C6: variants seen among roughly 807,000 people sequenced by gnomAD.
The protein encoded by C6 is complement C6, also known as complement component C6.
In C6, 101 loss-of-function variants were observed where a neutral mutation model predicts 112.9. The ratio of observed to expected loss-of-function variants is 0.89; its 90% CI spans 0.76 to 1.06. C6 has a LOEUF of 1.06. C6 is among the 50% of genes least tolerant of loss of function. The probability of loss-of-function intolerance (pLI) is 0.00; values close to 1 mark genes in which losing one functional copy is unlikely to be tolerated. For missense variants in C6, 1,202 were observed against 1,104.6 expected, an observed-to-expected ratio of 1.09 and a Z score of -1.25; for synonymous variants, 431 against 384.1, an observed-to-expected ratio of 1.12 and a Z score of -1.43.
intron 7 of C6, among the ~76,000 whole-genome samples, chr5:41,181,085 G>A (rs1749293994): frequency 1.3e-5 from 2 of 151,674 alleles, no homozygotes; most frequent in South Asian, 4.2e-4. Context: ...GTTGTATGGA[G>A]TTTATAAGAA....
In C6 at chr5:41,149,412, A is replaced by C; in HGVS notation, c.2452T>G (p.Phe818Val). 6.2e-7 allele frequency: 1 copy of C among 1,614,104 alleles called. No homozygotes were observed. The highest frequency in any genetic ancestry group is 8.5e-7 in the Non-Finnish European group (1 of 1,179,990). The change falls in exon 17 of 18, where the codon TTT becomes GTT. Residue 818 changes from phenylalanine (F) to valine (V), a missense_variant. By Grantham distance (50) the Phe-to-Val change is conservative (BLOSUM62 -1). Transcript: ENST00000337836. The stretch of plus-strand genomic sequence containing the variant: ...TTATTTAAACATTTCTCAGCCAAAA[A>C]CTTACAAGCGGGTGAAGTAAAGTAA... ...NDYFTSPACK[F>V]LAEKCLNNQQ...
At chr5:41,161,971 G>T in intron 9 of C6, 112 bp from the exon 10 acceptor site, 1 of 998,106 alleles carries the variant, frequency 1.0e-6, no homozygotes, top group Admixed American at 2.0e-5. Flanking sequence ...GGTACAGTAT[G>T]TAGCTCCATT....
chr5:41,239,592 T>C (rs1248811711), intron 1 of C6, among the ~76,000 whole-genome samples: 2 of 152,158 alleles, frequency 1.3e-5, no homozygotes, highest in Middle Eastern at 3.4e-3. Context: ...ATACCCATTT[T>C]CCCCATCCCC....
intron 9 of C6, 39 bp from the exon 10 acceptor site, chr5:41,161,898 G>A: frequency 3.1e-6 from 5 of 1,599,510 alleles, no homozygotes; most frequent in Non-Finnish European, 4.3e-6. Flanking sequence ...TTTAATTTTA[G>A]TGCAAATTCC....
intron 1 of C6, among the ~76,000 whole-genome samples, chr5:41,230,463 G>A (rs1022660906): frequency 9.9e-5 from 15 of 152,082 alleles, no homozygotes; most frequent in African/African-American, 3.6e-4. Context: ...GACTGAAAAA[G>A]CCCTGGTCTC....
At chr5:41,240,674 C>T (rs2150425014) in intron 1 of C6, among the ~76,000 whole-genome samples, 1 of 152,244 alleles carries the variant, frequency 6.6e-6, no homozygotes, top group South Asian at 2.1e-4. Context: ...TGAGGCAATC[C>T]TCAGGCTTTC....
rs953868091 is a variant in C6 at position 41,159,454 on chromosome 5, T to C, written c.1685-201A>G. ...GATTTCCTTTTAGACTTTGTTCCCA[T>C]AAGCCTAAATAAAATGGCAACAAAT... On this transcript the variant is annotated intron_variant, in intron 11 of 17. Transcript: ENST00000337836. 6.8e-5 allele frequency: 67 copies of C among 985,074 alleles called. No individual in the cohort carries two copies. The African/African-American group carries it at 1.1e-3, about 16-fold the overall frequency. The allele number at this position is 985,074 out of a possible 1,614,324, so 61.0% of individuals were successfully genotyped here. A position where few individuals can be genotyped will look rare whatever the true frequency, so the allele number is the denominator to read the frequency against.
At chr5:41,256,572 T>G (rs1187728348) in intron 1 of C6, among the ~76,000 whole-genome samples, 2 of 151,890 alleles carry the variant, frequency 1.3e-5, no homozygotes, top group African/African-American at 4.8e-5. Flanking sequence ...CTGAGAGAAT[T>G]TTGTGGTTTG....
chr5:41,186,399 C>T, intron 5 of C6, 191 bp from the exon 6 acceptor site: 1 of 608,856 alleles, frequency 1.6e-6, no homozygotes, highest in African/African-American at 1.9e-5. Context: ...AAAGCCCAAA[C>T]TCAGCTTCTC....
At chr5:41,158,134 T>C (rs917811946) in intron 13 of C6, among the ~76,000 whole-genome samples, 45 of 152,164 alleles carry the variant, frequency 3.0e-4, no homozygotes, top group African/African-American at 1.0e-3. Flanking sequence ...TCAAAGGGCA[T>C]AGATCTGTCT....
intron 1 of C6, among the ~76,000 whole-genome samples, chr5:41,208,819 T>C (rs1014654334): frequency 1.3e-5 from 2 of 152,112 alleles, no homozygotes; most frequent in Admixed American, 6.6e-5. Flanking sequence ...CCATTCCTTC[T>C]GAAACTATTC....
intron 17 of C6, among the ~76,000 whole-genome samples, chr5:41,148,445 T>A (rs1225529899): frequency 6.6e-6 from 1 of 152,228 alleles, no homozygotes; most frequent in Non-Finnish European, 1.5e-5. Context: ...CCAATTTTTT[T>A]ATGGGGTGCT....
chr5:41,175,074 G>T (rs568769508), intron 8 of C6, among the ~76,000 whole-genome samples: 7 of 152,316 alleles, frequency 4.6e-5, no homozygotes, highest in African/African-American at 1.4e-4. Context: ...GGGGAGTGCA[G>T]CTACTCATAT....
chr5:41,143,537 T>C (rs1273725146), intron 17 of C6, among the ~76,000 whole-genome samples: 5 of 152,248 alleles, frequency 3.3e-5, no homozygotes, highest in Non-Finnish European at 7.3e-5. Flanking sequence ...AGCCACACAA[T>C]ATGCCAAGCA....
At chr5:41,154,093 G>T in intron 14 of C6, 95 bp from the exon 15 acceptor site, 1 of 1,001,164 alleles carries the variant, frequency 1.0e-6, no homozygotes, top group South Asian at 1.3e-5. Flanking sequence ...ATTTTGATGA[G>T]ATTTACTGCA....
At chr5:41,234,352 T>TTG (rs1162448899) in intron 1 of C6, among the ~76,000 whole-genome samples, 115 of 139,860 alleles carry the variant, frequency 8.2e-4, no homozygotes, top group African/African-American at 3.5e-3. Context: ...TTTTTTTTGT[T>TTG]TTTTGTTTTT....
At chr5:41,214,307 A>G (rs1752112138), upstream of C6, among the ~76,000 whole-genome samples, 1 of 152,198 alleles carries the variant, frequency 6.6e-6, no homozygotes, top group Admixed American at 6.6e-5. Context: ...AAACAACTAA[A>G]ACAAATATTC....
rs769988993 is a variant in C6, at chr5:41,143,009, G to T, written c.2624-3C>A. The T allele has an allele frequency of 6.2e-7, 1 of 1,612,804 alleles. No homozygotes were observed. The highest frequency in any genetic ancestry group is 2.2e-5 in the East Asian group (1 of 44,852). On this transcript the variant is annotated splice_polypyrimidine_tract_variant and splice_region_variant and intron_variant, in intron 17 of 17. Coordinates refer to ENST00000337836, the MANE Select transcript of C6 (RefSeq NM_000065.5). ...GCAGACACATTTGGAAGTGGAGGCT[G>T]TAATGAGAGAGAGAGAGACAGTGTG... is the stretch of plus-strand genomic sequence containing the variant.
Position 41,172,371 on chromosome 5 carries a change from A to G in C6, c.1169-24T>C, listed in dbSNP as rs776844047. On this transcript the variant is annotated intron_variant, in intron 8 of 17. Transcript: ENST00000337836. ...ACCTAGGAGATGAAGTACAAACAGA[A>G]ACCACTGAGAATGCACCATTGACAA... 1.5e-5 allele frequency: 24 copies of G among 1,612,076 alleles called. No homozygotes were observed. In the East Asian group the frequency reaches 5.1e-4, roughly 35 times the overall value.
Sources: gnomAD v4.1 joint callset for allele counts (sites outside exome capture counted in the v4.1 genomes callset) on GRCh38, gnomAD v4.1.1 for gene constraint, MANE v1.5 for transcripts, NCBI Gene and HGNC (gene_info 2026-07-23, HGNC 2026-07-21) for gene names.